Variants in PHF14 observed in about 807,000 individuals in gnomAD.
PHF14 encodes the protein PHD finger protein 14.
A neutral mutation model predicts 117.9 loss-of-function variants in PHF14; 55 were observed. The ratio of observed to expected loss-of-function variants is 0.47; its 90% CI spans 0.38 to 0.58. The LOEUF is 0.58. Ranked by LOEUF, PHF14 falls within the 20% of genes least tolerant of loss-of-function variation. PHF14 has a pLI of 0.00. For synonymous variants in PHF14, 409 were observed against 368.6 expected (o/e 1.11, Z -1.26); for missense variants, 978 against 1,122.2 (o/e 0.87, Z 1.84).
chr7:11,165,000 C>T (rs781638586), intron 17 of PHF14, among the ~76,000 whole-genome samples: 105 of 152,210 alleles, frequency 6.9e-4, no homozygotes, highest in Non-Finnish European at 1.4e-3. Flanking sequence ...TCTCCGCTCA[C>T]TGCAGCCTCC....
chr7:11,059,743 C>T (rs1045995688), intron 14 of PHF14, among the ~76,000 whole-genome samples: 1 of 152,022 alleles, frequency 6.6e-6, no homozygotes, highest in African/African-American at 2.4e-5. Context: ...CCACTGCACT[C>T]CAGTCTGAGC....
At chr7:11,021,800 A>G (rs1225491029) in intron 5 of PHF14, among the ~76,000 whole-genome samples, 1 of 152,160 alleles carries the variant, frequency 6.6e-6, no homozygotes, top group Non-Finnish European at 1.5e-5. Context: ...AATAAAAAAG[A>G]TAATTTTTTA....
At chr7:11,028,639 A>G (rs1247643754) in intron 6 of PHF14, 42 bp from the exon 7 acceptor site, 2 of 1,600,154 alleles carry the variant, frequency 1.2e-6, no homozygotes, top group East Asian at 4.5e-5. Flanking sequence ...TTTAGTCTGG[A>G]AATAAGTTTG....
Position 11,063,118 on chromosome 7 carries a change from GT to G in PHF14, c.2654+1039del, listed in dbSNP as rs907901414. The G allele has an allele frequency of 2.2e-5, 21 of 945,036 alleles. No homozygotes were observed. The African/African-American group carries it at 3.4e-4, about 15-fold the overall frequency. 58.5% of individuals were successfully genotyped at this position (945,036 alleles called of 1,614,324 possible). A position where few individuals can be genotyped will look rare whatever the true frequency, so the allele number is the denominator to read the frequency against. ...AGGCATGAAGTCTTAAATTTTATGA[GT>G]TTTTTATGCTATCAATGAGAAAGAT... On this transcript the variant is annotated intron_variant, in intron 16 of 17. Transcript: ENST00000634607.
intron 16 of PHF14, among the ~76,000 whole-genome samples, chr7:11,082,485 G>A (rs1230249348): frequency 1.3e-5 from 2 of 152,136 alleles, no homozygotes; most frequent in Non-Finnish European, 2.9e-5. Context: ...CATTTTCAAT[G>A]TCTATTTTGC....
At chr7:11,013,148 AT>A (rs1377078507) in intron 4 of PHF14, among the ~76,000 whole-genome samples, 7 of 151,924 alleles carry the variant, frequency 4.6e-5, no homozygotes, top group Non-Finnish European at 8.8e-5. Context: ...GACAACTTGT[AT>A]TTTTTATATT....
At chr7:11,062,534 G>A (rs1313002588) in intron 16 of PHF14, 1 of 210,818 alleles carries the variant, frequency 4.7e-6, no homozygotes, top group Admixed American at 6.5e-5. Flanking sequence ...CTTTCTTATT[G>A]CTTATCAAAA....
chr7:11,007,187 C>T (rs925154687), intron 4 of PHF14, among the ~76,000 whole-genome samples: 1 of 151,782 alleles, frequency 6.6e-6, no homozygotes, highest in Non-Finnish European at 1.5e-5. Flanking sequence ...GAGCGAAACT[C>T]CGTCTCACAA....
intron 17 of PHF14, among the ~76,000 whole-genome samples, chr7:11,135,323 A>C (rs534200635): frequency 3.9e-5 from 6 of 152,180 alleles, no homozygotes; most frequent in African/African-American, 1.4e-4. Context: ...AACCTGACCA[A>C]TACCTAATTC....
chr7:11,049,177 T>C (rs1448756341), intron 13 of PHF14, among the ~76,000 whole-genome samples: 4 of 152,118 alleles, frequency 2.6e-5, no homozygotes, highest in African/African-American at 9.7e-5. Flanking sequence ...CAACATATTT[T>C]AAAAGTAAAT....
chr7:11,149,839 A>G (rs1375001233), intron 17 of PHF14, among the ~76,000 whole-genome samples: 2 of 151,976 alleles, frequency 1.3e-5, no homozygotes, highest in African/African-American at 4.8e-5. Flanking sequence ...AGTATATAGC[A>G]GGTAAGGATA....
At chr7:11,005,463 A>G (rs1783048441) in intron 4 of PHF14, among the ~76,000 whole-genome samples, 1 of 152,154 alleles carries the variant, frequency 6.6e-6, no homozygotes, top group Admixed American at 6.5e-5. Context: ...GCCCTTGTGT[A>G]TACACAAACA....
Position 11,051,702 on chromosome 7 carries a change from G to A in PHF14, c.2403G>A (p.Arg801=), listed in dbSNP as rs1562441165. 3 of 1,613,734 alleles carry A rather than the reference G, an allele frequency of 1.9e-6. No homozygotes were observed. The highest frequency in any genetic ancestry group is 3.3e-5 in the Admixed American group (2 of 60,010). Residue 801 remains arginine (R), a synonymous_variant, in exon 14 of 18, where the codon AGG becomes AGA. Coordinates refer to ENST00000634607, the MANE Select transcript of PHF14 (RefSeq NM_001007157.2). ...TACCAGATGGAACCAAACGATCAAG[G>A]AGGCAGATTAAGGAACCAGTGAAAT... ...ETLPDGTKRS[R]RQIKEPVKFV...
At chr7:11,092,852 A>G (rs1180921904) in intron 16 of PHF14, among the ~76,000 whole-genome samples, 1 of 152,168 alleles carries the variant, frequency 6.6e-6, no homozygotes, top group Non-Finnish European at 1.5e-5. Context: ...GTGCTGATAA[A>G]CTCAGAATTA....
At chr7:11,012,483 A>G (rs556993269) in intron 4 of PHF14, among the ~76,000 whole-genome samples, 27 of 152,346 alleles carry the variant, frequency 1.8e-4, no homozygotes, top group Non-Finnish European at 2.6e-4. Flanking sequence ...AAATCTGCAT[A>G]TAAGTGCACC....
chr7:11,108,478 C>T (rs759061293), intron 16 of PHF14: 1 of 151,576 alleles, frequency 6.6e-6, no homozygotes, highest in East Asian at 1.9e-4. Flanking sequence ...TGCCTATCAC[C>T]CCTAATTCTG....
At chr7:10,988,532 C>CTTTT (rs1583333388) in intron 3 of PHF14, among the ~76,000 whole-genome samples, 1 of 63,104 alleles carries the variant, frequency 1.6e-5, no homozygotes, top group African/African-American at 7.2e-5. Context: ...AGTTTCTAGT[C>CTTTT]TGTTTTTTTT....
chr7:11,106,927 A>C, intron 16 of PHF14: 1 of 984,048 alleles, frequency 1.0e-6, no homozygotes, highest in Non-Finnish European at 1.2e-6. Context: ...CATTGGCATA[A>C]AAGATAATGT....
At chr7:11,109,463 G>T (rs556611692) in intron 16 of PHF14, 2 of 148,566 alleles carry the variant, frequency 1.3e-5, no homozygotes, top group South Asian at 2.1e-4. Context: ...TTTAAATTTC[G>T]CATCAAAGAT....
Sources: allele counts gnomAD v4.1 joint callset (sites outside exome capture counted in the v4.1 genomes callset), GRCh38; gene constraint gnomAD v4.1.1; transcripts MANE v1.5; gene names NCBI Gene and HGNC (gene_info 2026-07-23, HGNC 2026-07-21).